TMEM183A: variants seen among roughly 807,000 people sequenced by gnomAD.
TMEM183A encodes the protein chromosome 1 open reading frame 37.
Under a neutral mutation model 46.7 loss-of-function variants are expected in TMEM183A, and 21 were observed. That is an observed-to-expected ratio of 0.45 (90% CI 0.32 to 0.65). The LOEUF is 0.65. Ranked by LOEUF, TMEM183A falls within the 30% of genes least tolerant of loss-of-function variation. The probability of loss-of-function intolerance (pLI) is 0.04; values close to 1 mark genes in which losing one functional copy is unlikely to be tolerated. For synonymous variants in TMEM183A, 165 were observed against 180.2 expected (o/e 0.92, Z 0.68); for missense variants, 331 against 481.9 (o/e 0.69, Z 2.93).
At chr1:203,010,171 T>C (rs1270639219) in intron 3 of TMEM183A, among the ~76,000 whole-genome samples, 1 of 151,898 alleles carries the variant, frequency 6.6e-6, no homozygotes, top group East Asian at 1.9e-4. Flanking sequence ...TAGTAAATGA[T>C]GTATGTATTT....
chr1:203,017,147 T>G (rs1421976875), intron 5 of TMEM183A, among the ~76,000 whole-genome samples: 1 of 152,178 alleles, frequency 6.6e-6, no homozygotes, highest in Non-Finnish European at 1.5e-5. Flanking sequence ...TCATGCTAAC[T>G]GGTGGATTTA....
chr1:203,016,247 G>A, intron 5 of TMEM183A, 107 bp downstream of exon 5: 1 of 1,493,110 alleles, frequency 6.7e-7, no homozygotes, highest in South Asian at 1.2e-5. Flanking sequence ...TAGGTCCCAG[G>A]CTGCTAGGGG....
At chr1:203,017,784 C>T (rs568505638) in intron 5 of TMEM183A, 7 of 985,924 alleles carry the variant, frequency 7.1e-6, no homozygotes, top group South Asian at 4.7e-5. Flanking sequence ...ACACTGGAGC[C>T]GTTGTGATGG....
At chr1:203,019,197 A>G (rs1000412421) in intron 6 of TMEM183A, among the ~76,000 whole-genome samples, 2 of 152,204 alleles carry the variant, frequency 1.3e-5, no homozygotes, top group African/African-American at 2.4e-5. Context: ...GTATAATGCA[A>G]ATATTCCAAA....
rs1356301509 is a variant in TMEM183A at position 203,007,801 on chromosome 1, A to T, written c.137A>T (p.Asp46Val). 1 of 1,613,984 alleles carries T rather than the reference A, an allele frequency of 6.2e-7. No homozygotes were observed. Among genetic ancestry groups the T allele is most frequent in the Non-Finnish European group, 8.5e-7 (1 of 1,179,884 alleles). ...RVTVADYANS[D>V]PAVVRSGRVK... ...ACCGTGGCGGATTACGCCAACTCGG[A>T]TCCGGCGGTCGTGAGGTCTGGACGA... Residue 46 changes from aspartate (D) to valine (V), a missense_variant, in exon 2 of 8, where the codon GAT (aspartate) becomes GTT (valine). Transcript: ENST00000367242.
rs566986223 is a variant in TMEM183A, at chr1:203,024,003, T to A, written c.*963T>A. 1 of 152,264 alleles carries A rather than the reference T, an allele frequency of 6.6e-6. No homozygotes were observed. The highest frequency in any genetic ancestry group is 1.5e-5 in the Non-Finnish European group (1 of 68,048). The allele number at this position is 152,264 out of a possible 1,614,324, so 9.4% of individuals were successfully genotyped here. On this transcript the variant is annotated 3_prime_UTR_variant, in exon 8 of 8. Transcript: ENST00000367242. The stretch of plus-strand genomic sequence containing the variant: ...TTAGAAGATTGATGAAATGATCTTT[T>A]AAATATGTATTTCTGAATAAAATGT...
rs1657605978 is a variant in TMEM183A at position 203,020,908 on chromosome 1, T to G, written c.905T>G (p.Phe302Cys). 1 of 1,612,554 alleles carries G rather than the reference T, an allele frequency of 6.2e-7. No homozygotes were observed. Among genetic ancestry groups the G allele is most frequent in the Non-Finnish European group, 8.5e-7 (1 of 1,179,706 alleles). Residue 302 changes from phenylalanine (F) to cysteine (C), a missense_variant, in exon 7 of 8, where the codon TTC (phenylalanine) becomes TGC (cysteine). By Grantham distance (205) the Phe-to-Cys change is radical. Around this residue, in one of 2 missense-constraint regions of TMEM183A, gnomAD observed 233 missense variants for 385.8 expected, o/e 0.60. Coordinates refer to ENST00000367242, the MANE Select transcript of TMEM183A (RefSeq NM_138391.6). ...CTACTGCAGGTCACCACCCTCAATT[T>G]CATCTTTATTCCGATTGTCATGGGA... ...CCLLQVTTLN[F>C]IFIPIVMGMI...
chr1:203,014,165 C>T (rs193185580), intron 3 of TMEM183A, among the ~76,000 whole-genome samples: 7 of 152,338 alleles, frequency 4.6e-5, no homozygotes, highest in African/African-American at 1.7e-4. Context: ...AATTCGGAGT[C>T]GGAAACTCTT....
chr1:203,012,211 CTTCA>C (rs1656701563), intron 3 of TMEM183A, among the ~76,000 whole-genome samples: 4 of 88,230 alleles, frequency 4.5e-5, no homozygotes, highest in South Asian at 4.9e-4. Flanking sequence ...GCCATTTTTA[CTTCA>C]ACCATTACTC....
intron 7 of TMEM183A, 23 bp downstream of exon 7, chr1:203,020,971 A>G: frequency 7.0e-7 from 1 of 1,428,878 alleles, no homozygotes; most frequent in South Asian, 1.4e-5. Flanking sequence ...TCAGGATGTC[A>G]TTCTCAGCTC....
intron 5 of TMEM183A, among the ~76,000 whole-genome samples, chr1:203,018,190 T>C (rs1657345444): frequency 6.6e-6 from 1 of 152,200 alleles, no homozygotes; most frequent in South Asian, 2.1e-4. Context: ...CTAGATACCA[T>C]GTTTCTGTCT....
intron 4 of TMEM183A, 132 bp downstream of exon 4, chr1:203,015,180 G>A: frequency 7.9e-7 from 1 of 1,273,692 alleles, no homozygotes. Context: ...CCCAGCTTTG[G>A]ACTCCTTGAG....
intron 3 of TMEM183A, among the ~76,000 whole-genome samples, chr1:203,011,375 G>A (rs1656564971): frequency 6.6e-6 from 1 of 151,918 alleles, no homozygotes; most frequent in African/African-American, 2.4e-5. Flanking sequence ...AATGATATTT[G>A]CCCATTTTTA....
chr1:203,009,337 T>A (rs535605303), intron 3 of TMEM183A, among the ~76,000 whole-genome samples: 19 of 152,334 alleles, frequency 1.2e-4, no homozygotes, highest in Non-Finnish European at 2.4e-4. Flanking sequence ...GTGATTTTTT[T>A]ATATCCTAAT....
rs573041475 is a variant in TMEM183A, at chr1:203,015,885, C to G, written c.528-75C>G. ...AGTGCAGTAAAGTTCATACAGAGAC[C>G]AGGAGTCTTAGAAAACTGACCTAGA... On this transcript the variant is annotated intron_variant, in intron 4 of 7. Coordinates refer to ENST00000367242, the MANE Select transcript of TMEM183A (RefSeq NM_138391.6). 5.0e-4 allele frequency: 779 copies of G among 1,550,012 alleles called. 2 individuals are homozygous for G. Among genetic ancestry groups the G allele is most frequent in the Non-Finnish European group, 6.2e-4 (713 of 1,143,696 alleles).
chr1:203,019,794 T>C (rs1657494367), intron 6 of TMEM183A, among the ~76,000 whole-genome samples: 1 of 152,214 alleles, frequency 6.6e-6, no homozygotes, highest in Non-Finnish European at 1.5e-5. Context: ...GCACATATAT[T>C]GTTTACTAAT....
intron 7 of TMEM183A, among the ~76,000 whole-genome samples, chr1:203,021,456 T>TG (rs539869144): frequency 5.3e-5 from 8 of 152,216 alleles, no homozygotes; most frequent in Non-Finnish European, 1.0e-4. Flanking sequence ...GACAGATTTG[T>TG]GGAGACATTA....
chr1:203,017,735 T>TC, intron 5 of TMEM183A: 1 of 985,854 alleles, frequency 1.0e-6, no homozygotes, highest in Non-Finnish European at 1.2e-6. Context: ...CGTATTTGAT[T>TC]CCCCCTCTCT....
At chr1:203,011,463 A>G (rs929767812) in intron 3 of TMEM183A, among the ~76,000 whole-genome samples, 4 of 151,872 alleles carry the variant, frequency 2.6e-5, no homozygotes, top group East Asian at 3.8e-4. Flanking sequence ...CTGGAGTGCA[A>G]TGTCGTGATT....
Sources: gnomAD v4.1 joint callset for allele counts (sites outside exome capture counted in the v4.1 genomes callset) on GRCh38, gnomAD v4.1.1 for gene constraint, gnomAD v4.1.1 regional missense constraint, MANE v1.5 for transcripts, NCBI Gene and HGNC (gene_info 2026-07-23, HGNC 2026-07-21) for gene names.